The following ASPH variants were observed in gnomAD, a reference collection of about 807,000 sequenced individuals.
ASPH encodes aspartyl/asparaginyl beta-hydroxylase.
ASPH carries 100 observed loss-of-function variants against 118.4 expected under a neutral mutation model. The ratio of observed to expected loss-of-function variants is 0.84; its 90% CI spans 0.72 to 1.00. The LOEUF (loss-of-function observed/expected upper bound fraction) is 1.00. Among genes scored for constraint, ASPH ranks in the 50% least tolerant of loss-of-function variants. The probability of loss-of-function intolerance (pLI) is 0.00; values close to 1 mark genes in which losing one functional copy is unlikely to be tolerated. For missense variants in ASPH, 920 were observed against 919.5 expected, an observed-to-expected ratio of 1.00 and a Z score of -0.01; for synonymous variants, 315 against 325.6, an observed-to-expected ratio of 0.97 and a Z score of 0.35.
At chr8:61,584,648 TTTC>T (rs1838751996) in intron 14 of ASPH, among the ~76,000 whole-genome samples, 1 of 143,300 alleles carries the variant, frequency 7.0e-6, no homozygotes, top group Non-Finnish European at 1.6e-5. Flanking sequence ...TCTTTCTTTC[TTTC>T]TTTTTCTTTC....
At chr8:61,614,296 C>G (rs1272780645) in intron 14 of ASPH, among the ~76,000 whole-genome samples, 1 of 152,114 alleles carries the variant, frequency 6.6e-6, no homozygotes, top group Non-Finnish European at 1.5e-5. Flanking sequence ...ACAGTTTTAT[C>G]TAACACCCAC....
At chr8:61,519,046 A>G (rs1445016992) in intron 22 of ASPH, among the ~76,000 whole-genome samples, 1 of 152,216 alleles carries the variant, frequency 6.6e-6, no homozygotes, top group Non-Finnish European at 1.5e-5. Flanking sequence ...CTTGCCGAAT[A>G]GCAACAGGAA....
intron 18 of ASPH, among the ~76,000 whole-genome samples, chr8:61,559,448 T>G (rs1829013291): frequency 6.6e-6 from 1 of 152,060 alleles, no homozygotes; most frequent in Non-Finnish European, 1.5e-5. Context: ...AGATTGTCTC[T>G]CTCTTTCTCT....
intron 20 of ASPH, 93 bp downstream of exon 20, chr8:61,552,938 A>G: frequency 8.9e-7 from 1 of 1,120,050 alleles, no homozygotes; most frequent in Middle Eastern, 2.1e-4. Context: ...GTTCACACTC[A>G]AAATATTTTT....
At chr8:61,644,361 T>C (rs1479298815) in intron 7 of ASPH, among the ~76,000 whole-genome samples, 2 of 152,246 alleles carry the variant, frequency 1.3e-5, no homozygotes, top group African/African-American at 2.4e-5. Context: ...TGCAATTCAA[T>C]TGTATCTTTT....
chr8:61,707,586 C>A lies in ASPH; in HGVS notation c.103+6683G>T, dbSNP rs73269299. Among the ~76,000 whole-genome samples the A allele has an allele frequency of 6.3e-3, 966 of 152,256 alleles. 13 individuals are homozygous for A. The highest frequency in any genetic ancestry group is 0.022 in the African/African-American group (919 of 41,530). Reference sequence around the variant, plus strand: ...CTTTCTATGACCCACAATTCCAATTCCAGATTATGCCCTAGAAAAACACTC... The same window carrying A: ...CTTTCTATGACCCACAATTCCAATTACAGATTATGCCCTAGAAAAACACTC... On this transcript the variant is annotated intron_variant, in intron 1 of 24. Transcript: ENST00000379454.
At chr8:61,598,396 TA>T (rs1843016022) in intron 14 of ASPH, among the ~76,000 whole-genome samples, 1 of 151,960 alleles carries the variant, frequency 6.6e-6, no homozygotes, top group African/African-American at 2.4e-5. Flanking sequence ...TGAAAAACTA[TA>T]AAAAAGAAAC....
At chr8:61,687,399 C>A (rs555536975) in intron 1 of ASPH, 3 of 152,302 alleles carry the variant, frequency 2.0e-5, no homozygotes, top group South Asian at 2.1e-4. Flanking sequence ...AAAAAATACA[C>A]CTTTACCTAG....
intron 3 of ASPH, chr8:61,668,418 T>TA: frequency 1.6e-6 from 1 of 612,226 alleles, no homozygotes; most frequent in Non-Finnish European, 2.8e-6. Flanking sequence ...AATACTCCAA[T>TA]ATCTCTCTTA....
intron 18 of ASPH, among the ~76,000 whole-genome samples, chr8:61,561,025 AATGAGGAGTAAG>A: frequency 6.8e-6 from 1 of 147,508 alleles, no homozygotes; most frequent in Non-Finnish European, 1.5e-5. Flanking sequence ...GAAGGAAGGG[AATGAGGAGTAAG>A]GGAAGGAAGG....
At position 61,633,841 on chromosome 8, in the gene ASPH, A is replaced by G. The variant is rs138625223; in HGVS notation, c.890-114T>C. 1.5e-3 allele frequency: 1,092 copies of G among 710,570 alleles called. 12 individuals carry two copies. The African/African-American group carries it at 0.018, about 12-fold the overall frequency. The allele number at this position is 710,570 out of a possible 1,614,324, so 44.0% of individuals were successfully genotyped here. Reference sequence around the variant, plus strand: ...TTTCATAGATTTTTTAAACAATTCAATTGAAATTTTAATAAAAACATTAGG... The same window carrying G: ...TTTCATAGATTTTTTAAACAATTCAGTTGAAATTTTAATAAAAACATTAGG... On this transcript the variant is annotated intron_variant, in intron 12 of 24. Transcript: ENST00000379454.
intron 22 of ASPH, among the ~76,000 whole-genome samples, chr8:61,524,540 A>G (rs1388212028): frequency 3.3e-5 from 5 of 152,198 alleles, no homozygotes; most frequent in Admixed American, 6.5e-5. Context: ...ATTCCATTCA[A>G]TGGGAATAAG....
intron 1 of ASPH, among the ~76,000 whole-genome samples, chr8:61,696,881 C>G (rs552610896): frequency 6.6e-6 from 1 of 152,184 alleles, no homozygotes; most frequent in East Asian, 1.9e-4. Flanking sequence ...AACAAAAAAG[C>G]TTAATCCTGC....
rs185971998 is a variant in ASPH, at chr8:61,604,877, T to C, written c.976+14101A>G. Among the ~76,000 whole-genome samples the C allele has an allele frequency of 9.3e-4, 142 of 152,346 alleles. 1 individual carries two copies. In the East Asian group the frequency reaches 0.023, roughly 25 times the overall value. On this transcript the variant is annotated intron_variant, in intron 14 of 24. Transcript: ENST00000379454. ...GGAACTTGCTTCTTTGCTGAATACATTACTTTTTCCCAGCAATTTAAAGCA... is the reference window on the plus strand; with the variant it reads ...GGAACTTGCTTCTTTGCTGAATACACTACTTTTTCCCAGCAATTTAAAGCA...
At chr8:61,674,951 G>T (rs999778701) in intron 3 of ASPH, among the ~76,000 whole-genome samples, 2 of 152,144 alleles carry the variant, frequency 1.3e-5, no homozygotes, top group Non-Finnish European at 2.9e-5. Flanking sequence ...CCTTCAAAAA[G>T]TAACATCCCT....
chr8:61,584,421 T>C (rs1838630337), intron 14 of ASPH, among the ~76,000 whole-genome samples: 2 of 152,190 alleles, frequency 1.3e-5, no homozygotes, highest in African/African-American at 4.8e-5. Flanking sequence ...CTTTTTCTGA[T>C]ACAGATAAAG....
chr8:61,618,619 C>T lies in ASPH; in HGVS notation c.976+359G>A, dbSNP rs145357367. On this transcript the variant is annotated intron_variant, in intron 14 of 24. Coordinates refer to ENST00000379454, the MANE Select transcript of ASPH (RefSeq NM_004318.4). The stretch of plus-strand genomic sequence containing the variant: ...GTTAGCTATTGCTTTAAGCACTTTA[C>T]GTATATTTTCATTTTATTACTATCA... Among the ~76,000 whole-genome samples, 351 of 152,220 alleles carry T rather than the reference C, an allele frequency of 2.3e-3. 3 individuals carry two copies. The highest frequency in any genetic ancestry group is 0.02 in the Admixed American group (306 of 15,282).
chr8:61,705,742 T>A (rs1836443640), intron 1 of ASPH, among the ~76,000 whole-genome samples: 1 of 152,146 alleles, frequency 6.6e-6, no homozygotes. Flanking sequence ...ACACTAAAAT[T>A]TGTGCAATTC....
At chr8:61,536,543 A>C (rs1488130988) in intron 21 of ASPH, among the ~76,000 whole-genome samples, 1 of 152,194 alleles carries the variant, frequency 6.6e-6, no homozygotes, top group Non-Finnish European at 1.5e-5. Flanking sequence ...CTGTTGGCCT[A>C]AGGAAGCTAG....
Sources: gnomAD v4.1 joint callset for allele counts (sites outside exome capture counted in the v4.1 genomes callset) on GRCh38, gnomAD v4.1.1 for gene constraint, MANE v1.5 for transcripts, NCBI Gene and HGNC (gene_info 2026-07-23, HGNC 2026-07-21) for gene names.